The following WTIP variants were observed in gnomAD, a reference collection of about 807,000 sequenced individuals.
WTIP encodes WT1 interacting protein, also known as Wilms tumor protein 1-interacting protein.
WTIP carries 23 observed loss-of-function variants against 41.7 expected under a neutral mutation model. That is an observed-to-expected ratio of 0.55 (90% confidence interval 0.40 to 0.78). The LOEUF is 0.78. WTIP is among the 30% of genes least tolerant of loss of function. The probability of loss-of-function intolerance (pLI) is 0.00; values close to 1 mark genes in which losing one functional copy is unlikely to be tolerated. For synonymous variants in WTIP, 314 were observed against 269.9 expected (o/e 1.16, Z -1.60); for missense variants, 619 against 610.5 (o/e 1.01, Z -0.15).
chr19:34,492,896 A>G lies in WTIP; in HGVS notation c.770-141A>G, dbSNP rs915656885. 1.1e-5 allele frequency: 8 copies of G among 719,738 alleles called. No individual in the cohort carries two copies. The African/African-American group carries it at 1.3e-4, about 11-fold the overall frequency. 44.6% of individuals were successfully genotyped at this position (719,738 alleles called of 1,614,324 possible). A position where few individuals can be genotyped will look rare whatever the true frequency, so the allele number is the denominator to read the frequency against. ...AAATTTTGTTATTATAACAATAACA[A>G]CATAATATTAAAGGGAAATTTAGAA... On this transcript the variant is annotated intron_variant, in intron 2 of 7. Coordinates refer to ENST00000590071, the MANE Select transcript of WTIP (RefSeq NM_001080436.2).
chr19:34,497,390 C>T (rs936837610), intron 7 of WTIP, among the ~76,000 whole-genome samples: 6 of 152,126 alleles, frequency 3.9e-5, no homozygotes, highest in South Asian at 2.1e-4. Flanking sequence ...CTGTTGCTCT[C>T]GTTGTTAAAG....
chr19:34,500,171 T>G lies in WTIP; in HGVS notation c.1195T>G (p.Tyr399Asp), dbSNP rs1320914564. 1 of 1,602,662 alleles carries G rather than the reference T, an allele frequency of 6.2e-7. No individual in the cohort carries two copies. The highest frequency in any genetic ancestry group is 1.7e-5 in the Admixed American group (1 of 59,994). The change falls in exon 8 of 8, where the codon TAT becomes GAT. Residue 399 changes from tyrosine (Y) to aspartate (D), a missense_variant. By Grantham distance (160) the Tyr-to-Asp change is radical (BLOSUM62 -3). Coordinates refer to ENST00000590071, the MANE Select transcript of WTIP (RefSeq NM_001080436.2). ...GAGCGGGGAGGAGGGACGCCGTTGCTATCCCCTGGCGGGCCACCTACTGTG... is the reference window on the plus strand; with the variant it reads ...GAGCGGGGAGGAGGGACGCCGTTGCGATCCCCTGGCGGGCCACCTACTGTG... ...QLSGEEGRRC[Y>D]PLAGHLLCRR...
chr19:34,483,704 C>G (rs1490475812), intron 1 of WTIP, among the ~76,000 whole-genome samples: 1 of 152,206 alleles, frequency 6.6e-6, no homozygotes, highest in Non-Finnish European at 1.5e-5. Flanking sequence ...GCCCCCTGAT[C>G]TCTAGTTCTT....
rs1166225755 is a variant in WTIP, at chr19:34,482,330, G to A, written c.356G>A (p.Gly119Asp). The change falls in exon 1 of 8, where the codon GGC (glycine) becomes GAC (aspartate). Residue 119 changes from glycine to aspartate, a missense_variant. Gly to Asp is a moderately conservative substitution (Grantham distance 94). This residue lies in a region of WTIP where 363 missense variants were observed against 309.0 expected (regional missense o/e 1.17). Transcript: ENST00000590071. ...GISLGYDQRH[G>D]SPRSGRSDPR... is the part of the protein sequence containing the mutation. ...AGCCTGGGCTACGACCAGCGCCACGGCAGCCCGCGCTCCGGTCGCTCGGAC... is the reference window on the plus strand; with the variant it reads ...AGCCTGGGCTACGACCAGCGCCACGACAGCCCGCGCTCCGGTCGCTCGGAC... 3 of 1,385,532 alleles carry A rather than the reference G, an allele frequency of 2.2e-6. No individual in the cohort carries two copies. Among genetic ancestry groups the A allele is most frequent in the South Asian group, 1.4e-5 (1 of 71,230 alleles). 85.8% of individuals were successfully genotyped at this position (1,385,532 alleles called of 1,614,324 possible). A position where few individuals can be genotyped will look rare whatever the true frequency, so the allele number is the denominator to read the frequency against.
At chr19:34,492,055 A>G (rs1024492463) in intron 2 of WTIP, among the ~76,000 whole-genome samples, 1 of 151,212 alleles carries the variant, frequency 6.6e-6, no homozygotes, top group Non-Finnish European at 1.5e-5. Context: ...AACTTAACAT[A>G]AATGCATTCC....
In WTIP at chr19:34,506,145, A is replaced by T. The variant is rs1050720049; in HGVS notation, c.*5876A>T. 6.6e-6 allele frequency: 1 copy of T among 151,726 alleles called. No homozygotes were observed. The highest frequency in any genetic ancestry group is 2.4e-5 in the African/African-American group (1 of 41,258). The allele number at this position is 151,726 out of a possible 1,614,324, so 9.4% of individuals were successfully genotyped here. A position where few individuals can be genotyped will look rare whatever the true frequency, so the allele number is the denominator to read the frequency against. On this transcript the variant is annotated 3_prime_UTR_variant, in exon 8 of 8. Transcript: ENST00000590071. ...TCAGATGCTCATGGTTTCTGATGAGAAGTTGGCTGTGTCTCTCACGGAGCC... is the reference window on the plus strand; with the variant it reads ...TCAGATGCTCATGGTTTCTGATGAGTAGTTGGCTGTGTCTCTCACGGAGCC...
chr19:34,496,148 ACT>A (rs1174669546), intron 7 of WTIP, among the ~76,000 whole-genome samples: 6 of 150,992 alleles, frequency 4.0e-5, no homozygotes, highest in Non-Finnish European at 7.4e-5. Flanking sequence ...CAAGAGTGAG[ACT>A]CTGTCTCAAA....
At position 34,496,043 on chromosome 19, in the gene WTIP, G is replaced by C. The variant is rs368931247; in HGVS notation, c.1152+272G>C. ...GTGGTGGCGGGCACCTGTAGTCCCA[G>C]CTACTCAGGAGGCTGAGGTAGGAGA... On this transcript the variant is annotated intron_variant, in intron 7 of 7. Transcript: ENST00000590071. 7.9e-5 allele frequency among the ~76,000 whole-genome samples: 12 copies of C among 152,284 alleles called. No individual in the cohort carries two copies. The South Asian group carries it at 2.5e-3, about 32-fold the overall frequency.
intron 1 of WTIP, 130 bp downstream of exon 1, chr19:34,482,771 G>T: frequency 8.3e-7 from 1 of 1,200,534 alleles, no homozygotes; most frequent in East Asian, 3.4e-5. Flanking sequence ...AGTGCACGGG[G>T]TTGGGACGAG....
intron 1 of WTIP, among the ~76,000 whole-genome samples, chr19:34,489,784 A>C (rs1201356708): frequency 2.0e-5 from 3 of 152,164 alleles, no homozygotes; most frequent in Admixed American, 2.0e-4. Flanking sequence ...AAAAGAAAAA[A>C]TCAGCCGTGC....
rs774202075 is a variant in WTIP at position 34,494,635 on chromosome 19, C to G, written c.1081C>G (p.Gln361Glu). Residue 361 changes from glutamine to glutamate, a missense_variant and splice_region_variant, in exon 6 of 8, where the codon CAG (glutamine) becomes GAG (glutamate). This residue lies in a region of WTIP where 164 missense variants were observed against 219.1 expected (regional missense o/e 0.75). Transcript: ENST00000590071. ...ASCARPILPA[Q>E]GCETTIRVVS... ...CTGTGCCCGTCCTATCCTCCCTGCA[C>G]AGGTAGGAGCCACTCACCCAGAGAT... The G allele has an allele frequency of 1.9e-6, 3 of 1,613,136 alleles. No homozygotes were observed. The highest frequency in any genetic ancestry group is 2.5e-6 in the Non-Finnish European group (3 of 1,179,634).
At position 34,506,248 on chromosome 19, in the gene WTIP, T is replaced by C. The variant is rs1225170329; in HGVS notation, c.*5979T>C. ...TGTGGATTGGATGGATGGGAAGCTC[T>C]GTCCCTGAACAGCCCTTGTGACTAT... is the stretch of plus-strand genomic sequence containing the variant. On this transcript the variant is annotated 3_prime_UTR_variant, in exon 8 of 8. Transcript: ENST00000590071. The C allele has an allele frequency of 6.6e-6, 1 of 152,242 alleles. No homozygotes were observed. Among genetic ancestry groups the C allele is most frequent in the Non-Finnish European group, 1.5e-5 (1 of 68,058 alleles). 9.4% of individuals were successfully genotyped at this position (152,242 alleles called of 1,614,324 possible). A position where few individuals can be genotyped will look rare whatever the true frequency, so the allele number is the denominator to read the frequency against.
rs1308030999 is a variant in WTIP, at chr19:34,503,420, C to T, written c.*3151C>T. Reference sequence around the variant, plus strand: ...AGTCTTGGCCTCTGCTCTCCAAGCTCATTTGCCAACAGCAGTATCTCCATT... The same window carrying T: ...AGTCTTGGCCTCTGCTCTCCAAGCTTATTTGCCAACAGCAGTATCTCCATT... On this transcript the variant is annotated 3_prime_UTR_variant, in exon 8 of 8. Coordinates refer to ENST00000590071, the MANE Select transcript of WTIP (RefSeq NM_001080436.2). The T allele has an allele frequency of 1.3e-5, 2 of 152,360 alleles. No individual in the cohort carries two copies. Among genetic ancestry groups the T allele is most frequent in the Non-Finnish European group, 2.9e-5 (2 of 68,124 alleles). The allele number at this position is 152,360 out of a possible 1,614,324, so 9.4% of individuals were successfully genotyped here.
At chr19:34,498,576 T>A (rs2075867879) in intron 7 of WTIP, 1 of 152,366 alleles carries the variant, frequency 6.6e-6, no homozygotes, top group Non-Finnish European at 1.5e-5. Flanking sequence ...CTGCACCCCC[T>A]GGAAGAGGTG....
rs1236437539 is a variant in WTIP, at chr19:34,509,522, A to G, written c.*9253A>G. The G allele has an allele frequency of 6.6e-6, 1 of 152,166 alleles. No homozygotes were observed. The highest frequency in any genetic ancestry group is 1.5e-5 in the Non-Finnish European group (1 of 68,034). The allele number at this position is 152,166 out of a possible 1,614,324, so 9.4% of individuals were successfully genotyped here. A position where few individuals can be genotyped will look rare whatever the true frequency, so the allele number is the denominator to read the frequency against. ...GGGAATTAAGGGAGTACAGTTCAAGATGAGATTTGGGTGGAGACACAGAGC... is the reference window on the plus strand; with the variant it reads ...GGGAATTAAGGGAGTACAGTTCAAGGTGAGATTTGGGTGGAGACACAGAGC... On this transcript the variant is annotated 3_prime_UTR_variant, in exon 8 of 8. Transcript: ENST00000590071.
chr19:34,508,557 CTT>C lies in WTIP; in HGVS notation c.*8290_*8291del, dbSNP rs34828614. 1 of 152,406 alleles carries C rather than the reference CTT, an allele frequency of 6.6e-6. No homozygotes were observed. The highest frequency in any genetic ancestry group is 1.5e-5 in the Non-Finnish European group (1 of 68,202). 9.4% of individuals were successfully genotyped at this position (152,406 alleles called of 1,614,324 possible). The stretch of plus-strand genomic sequence containing the variant: ...TTATTTGGGGTTACCTTTGTGTTGA[CTT>C]TGTGTGGCCAGGACCCTGGAGATGA... On this transcript the variant is annotated 3_prime_UTR_variant, in exon 8 of 8. Coordinates refer to ENST00000590071, the MANE Select transcript of WTIP (RefSeq NM_001080436.2).
intron 1 of WTIP, among the ~76,000 whole-genome samples, chr19:34,487,248 TCCA>T (rs1203650698): frequency 6.6e-6 from 1 of 151,814 alleles, no homozygotes; most frequent in Non-Finnish European, 1.5e-5. Context: ...GGGATTAGTG[TCCA>T]CCACCACGCC....
intron 2 of WTIP, among the ~76,000 whole-genome samples, chr19:34,492,808 A>G (rs1388492009): frequency 6.6e-6 from 1 of 151,968 alleles, no homozygotes; most frequent in Non-Finnish European, 1.5e-5. Context: ...TTATTCATAT[A>G]TTTGTTTTGG....
intron 1 of WTIP, among the ~76,000 whole-genome samples, chr19:34,490,019 G>T (rs750216448): frequency 2.0e-5 from 3 of 152,174 alleles, no homozygotes; most frequent in Non-Finnish European, 4.4e-5. Flanking sequence ...CAGGAGGATC[G>T]CTTTAACCCA....
Sources: gnomAD v4.1 joint callset for allele counts (sites outside exome capture counted in the v4.1 genomes callset) on GRCh38, gnomAD v4.1.1 for gene constraint, gnomAD v4.1.1 regional missense constraint, MANE v1.5 for transcripts, NCBI Gene and HGNC (gene_info 2026-07-23, HGNC 2026-07-21) for gene names.